THSD7B: variants seen among roughly 807,000 people sequenced by gnomAD.
THSD7B encodes the protein thrombospondin type 1 domain containing 7B, also known as thrombospondin type-1 domain-containing protein 7B.
A neutral mutation model predicts 213.6 loss-of-function variants in THSD7B; 138 were observed. The ratio of observed to expected loss-of-function variants is 0.65; its 90% CI spans 0.56 to 0.74. The LOEUF (loss-of-function observed/expected upper bound fraction) is 0.74, where lower values mean the gene tolerates loss of function less well. Among genes scored for constraint, THSD7B ranks in the 30% least tolerant of loss-of-function variants. THSD7B has a pLI of 0.00. For synonymous variants in THSD7B, 742 were observed against 687.0 expected, an observed-to-expected ratio of 1.08 and a Z score of -1.25; for missense variants, 1,931 against 1,991.5, an observed-to-expected ratio of 0.97 and a Z score of 0.58.
At chr2:136,970,925 G>A (rs1558871598) in intron 2 of THSD7B, among the ~76,000 whole-genome samples, 1 of 152,082 alleles carries the variant, frequency 6.6e-6, no homozygotes, top group Non-Finnish European at 1.5e-5. Context: ...TCTAGCCTAT[G>A]GTTAATTAAT....
intron 1 of THSD7B, among the ~76,000 whole-genome samples, chr2:136,786,160 C>T (rs528246240): frequency 1.0e-5 from 1 of 98,168 alleles, no homozygotes; most frequent in South Asian, 5.5e-4. Context: ...TGACAAGCAA[C>T]AATAAGGAAA....
At chr2:136,858,347 G>A (rs1056761591) in intron 1 of THSD7B, among the ~76,000 whole-genome samples, 1 of 151,976 alleles carries the variant, frequency 6.6e-6, no homozygotes, top group Admixed American at 6.5e-5. Flanking sequence ...ATCCAATGTG[G>A]GGATTGCAGA....
chr2:137,347,295 G>A (rs942594369), intron 12 of THSD7B, among the ~76,000 whole-genome samples: 4 of 151,718 alleles, frequency 2.6e-5, no homozygotes, highest in African/African-American at 7.2e-5. Flanking sequence ...ATGCTACCAT[G>A]TGGTTTAAGA....
chr2:137,560,658 A>C (rs1387080792), intron 15 of THSD7B, among the ~76,000 whole-genome samples: 3 of 152,114 alleles, frequency 2.0e-5, no homozygotes, highest in Non-Finnish European at 4.4e-5. Context: ...ACATGTATAC[A>C]TATGTAACAA....
At chr2:137,485,454 A>T (rs182043076) in intron 15 of THSD7B, among the ~76,000 whole-genome samples, 2 of 152,308 alleles carry the variant, frequency 1.3e-5, no homozygotes, top group Non-Finnish European at 2.9e-5. Flanking sequence ...GTCAGGTATC[A>T]TGATGCCTCC....
intron 14 of THSD7B, among the ~76,000 whole-genome samples, chr2:137,431,554 G>A (rs1687185789): frequency 6.6e-6 from 1 of 152,166 alleles, no homozygotes; most frequent in African/African-American, 2.4e-5. Context: ...AGAGAAACAT[G>A]TTTTGGAATA....
chr2:137,517,606 A>G (rs1680095051), intron 15 of THSD7B, among the ~76,000 whole-genome samples: 1 of 152,208 alleles, frequency 6.6e-6, no homozygotes, highest in Non-Finnish European at 1.5e-5. Context: ...CCATTTGTCG[A>G]GTGATCCAAA....
chr2:137,359,283 A>G (rs1011541746), intron 12 of THSD7B, among the ~76,000 whole-genome samples: 1 of 152,210 alleles, frequency 6.6e-6, no homozygotes, highest in African/African-American at 2.4e-5. Context: ...CAAGCCACAC[A>G]TGGAGAGTGG....
chr2:136,784,532 G>A (rs1416444906), intron 1 of THSD7B, among the ~76,000 whole-genome samples: 1 of 147,966 alleles, frequency 6.8e-6, no homozygotes, highest in Non-Finnish European at 1.5e-5. Flanking sequence ...CAAATAGAAG[G>A]CTGTTAAATT....
chr2:137,637,671 T>C (rs557739260), intron 20 of THSD7B, among the ~76,000 whole-genome samples: 4 of 152,368 alleles, frequency 2.6e-5, no homozygotes, highest in African/African-American at 7.2e-5. Flanking sequence ...ATTTTTTTCT[T>C]TTGCATTTAT....
At chr2:137,272,346 G>A (rs904491018) in intron 10 of THSD7B, among the ~76,000 whole-genome samples, 187 bp from the exon 11 acceptor site, 6 of 152,214 alleles carry the variant, frequency 3.9e-5, no homozygotes, top group East Asian at 3.9e-4. Context: ...ATTAAGTATT[G>A]TGTGTTTATT....
intron 7 of THSD7B, among the ~76,000 whole-genome samples, chr2:137,219,628 C>G (rs1681322551): frequency 6.6e-6 from 1 of 152,136 alleles, no homozygotes; most frequent in Admixed American, 6.5e-5. Context: ...GTTACTGTCA[C>G]AATTATATCA....
intron 2 of THSD7B, among the ~76,000 whole-genome samples, chr2:136,953,042 A>T (rs1558865352): frequency 1.3e-5 from 2 of 152,314 alleles, no homozygotes; most frequent in South Asian, 4.1e-4. Context: ...TAGGGTAAAA[A>T]TATGTGAAAT....
chr2:137,218,039 A>G (rs937135328), intron 7 of THSD7B, among the ~76,000 whole-genome samples: 1 of 152,190 alleles, frequency 6.6e-6, no homozygotes, highest in Admixed American at 6.5e-5. Context: ...AAATTATCAG[A>G]AATATCTAAT....
At chr2:137,570,773 G>A (rs529339584) in intron 16 of THSD7B, among the ~76,000 whole-genome samples, 2 of 151,972 alleles carry the variant, frequency 1.3e-5, no homozygotes, top group South Asian at 4.2e-4. Context: ...TACTTATAGT[G>A]CTAGGGATCA....
chr2:137,657,986 C>T (rs1178901128), intron 24 of THSD7B, among the ~76,000 whole-genome samples: 5 of 152,238 alleles, frequency 3.3e-5, no homozygotes, highest in African/African-American at 1.2e-4. Flanking sequence ...GCTGGGATTA[C>T]AGGCGTGAGC....
At chr2:137,584,724 T>G (rs1558849181) in intron 17 of THSD7B, among the ~76,000 whole-genome samples, 1 of 152,202 alleles carries the variant, frequency 6.6e-6, no homozygotes, top group Non-Finnish European at 1.5e-5. Context: ...GATGTGCTGC[T>G]GGATTCGGTT....
chr2:137,106,815 G>C (rs1688262311), intron 4 of THSD7B, among the ~76,000 whole-genome samples: 1 of 152,230 alleles, frequency 6.6e-6, no homozygotes, highest in Admixed American at 6.5e-5. Context: ...GGTCATTAGA[G>C]AAATGCAAAT....
At position 137,667,763 on chromosome 2, in the gene THSD7B, A is replaced by AT. The variant is rs1558877338; in HGVS notation, c.4652-7dup. On this transcript the variant is annotated splice_polypyrimidine_tract_variant and intron_variant, in intron 26 of 27. Coordinates refer to ENST00000409968, the MANE Select transcript of THSD7B (RefSeq NM_001316349.2). ...ATGCTAAGCTTCTTATGTTATCTCT[A>AT]TTTTAAACAGATGGCCGAGTAAAAA... 3.1e-6 allele frequency: 5 copies of AT among 1,594,858 alleles called. No homozygotes were observed. The South Asian group carries it at 5.7e-5, about 18-fold the overall frequency.
Sources: allele counts gnomAD v4.1 joint callset (sites outside exome capture counted in the v4.1 genomes callset), GRCh38; gene constraint gnomAD v4.1.1; transcripts MANE v1.5; gene names NCBI Gene and HGNC (gene_info 2026-07-23, HGNC 2026-07-21).